Variants in SLC9A3 observed in about 807,000 individuals in gnomAD.
SLC9A3 encodes sodium/hydrogen exchanger 3.
In SLC9A3, 37 loss-of-function variants were observed where a neutral mutation model predicts 86.8. That is an observed-to-expected ratio of 0.43 (90% CI 0.33 to 0.56). The LOEUF (loss-of-function observed/expected upper bound fraction) is 0.56. Ranked by LOEUF, SLC9A3 falls within the 20% of genes least tolerant of loss-of-function variation. The probability of loss-of-function intolerance (pLI) is 0.06; values close to 1 mark genes in which losing one functional copy is unlikely to be tolerated. For missense variants in SLC9A3, 1,011 were observed against 1,171.9 expected (o/e 0.86, Z 2.00); for synonymous variants, 581 against 528.3 (o/e 1.10, Z -1.37).
intron 1 of SLC9A3, among the ~76,000 whole-genome samples, chr5:492,373 T>TCC (rs1560961644): frequency 6.6e-5 from 1 of 15,194 alleles, no homozygotes; most frequent in Non-Finnish European, 1.2e-4. Flanking sequence ...GGGAGGGAGG[T>TCC]AGGGGGGAAC....
At chr5:501,506 G>A (rs1480671016) in intron 1 of SLC9A3, among the ~76,000 whole-genome samples, 3 of 151,988 alleles carry the variant, frequency 2.0e-5, no homozygotes, top group Non-Finnish European at 2.9e-5. Context: ...ACGAGGGGCC[G>A]GGGCATTCCA....
At chr5:502,523 G>A (rs1050099893) in intron 1 of SLC9A3, among the ~76,000 whole-genome samples, 7 of 152,236 alleles carry the variant, frequency 4.6e-5, no homozygotes, top group East Asian at 1.9e-4. Context: ...CTGGGGCAAC[G>A]GAAGTCACGA....
intron 1 of SLC9A3, among the ~76,000 whole-genome samples, chr5:523,857 G>A (rs1419644331): frequency 6.6e-6 from 1 of 152,186 alleles, no homozygotes; most frequent in Non-Finnish European, 1.5e-5. Context: ...GACCCCACAG[G>A]GACCCGGGAG....
chr5:493,412 TC>T, intron 1 of SLC9A3, among the ~76,000 whole-genome samples: 1 of 152,362 alleles, frequency 6.6e-6, no homozygotes, highest in Middle Eastern at 3.4e-3. Context: ...AGTGGCCACG[TC>T]CCACCCTTCC....
chr5:514,465 C>T (rs371765704), intron 1 of SLC9A3, among the ~76,000 whole-genome samples: 2 of 152,368 alleles, frequency 1.3e-5, no homozygotes, highest in South Asian at 4.1e-4. Flanking sequence ...CCCCCGAGGC[C>T]CATCGGGTCT....
At chr5:501,893 A>G (rs1003942113) in intron 1 of SLC9A3, among the ~76,000 whole-genome samples, 2 of 152,130 alleles carry the variant, frequency 1.3e-5, no homozygotes, top group African/African-American at 4.8e-5. Context: ...TTGGCGTGGG[A>G]CAGGGGAGCC....
chr5:494,723 G>A (rs1191006701), intron 1 of SLC9A3, among the ~76,000 whole-genome samples: 2 of 152,170 alleles, frequency 1.3e-5, no homozygotes, highest in South Asian at 2.1e-4. Flanking sequence ...AGGCTGACCC[G>A]CGCCTCTCAC....
chr5:495,387 C>A (rs1158571211), intron 1 of SLC9A3, among the ~76,000 whole-genome samples: 2 of 147,886 alleles, frequency 1.4e-5, no homozygotes, highest in South Asian at 2.2e-4. Flanking sequence ...GCTCCCCGCG[C>A]CATCGCCGAC....
Position 475,132 on chromosome 5 carries a change from C to T in SLC9A3, c.2252G>A (p.Gly751Glu), listed in dbSNP as rs189017275. The T allele has an allele frequency of 8.2e-6, 13 of 1,578,622 alleles. No homozygotes were observed. The Admixed American group carries it at 1.1e-4, about 13-fold the overall frequency. Residue 751 changes from glycine to glutamate, a missense_variant and splice_region_variant, in exon 16 of 17, where the codon GGA becomes GAA. By Grantham distance (98) the Gly-to-Glu change is moderately conservative. Transcript: ENST00000264938. Reference sequence around the variant, plus strand: ...CGGAGAAAACACAGGGTTGTCAATTCCTAGGAGAGAGGGCAGCGGCTAGTC... The same window carrying T: ...CGGAGAAAACACAGGGTTGTCAATTTCTAGGAGAGAGGGCAGCGGCTAGTC... Reference protein sequence around the residue: ...TKDTASDSPAGIDNPVFSPDE... With the variant: ...TKDTASDSPAEIDNPVFSPDE...
chr5:504,518 T>A (rs994505781), intron 1 of SLC9A3, among the ~76,000 whole-genome samples: 3 of 151,834 alleles, frequency 2.0e-5, no homozygotes, highest in Non-Finnish European at 2.9e-5. Context: ...CCAGGGAGGG[T>A]GCCGGGACCT....
chr5:472,613 G>A lies in SLC9A3; in HGVS notation c.*766C>T, dbSNP rs1423650259. ...CGGAACCTGGGGGGGAAACGGGGCA[G>A]GTACTGGCTTTAGGAGTCTAAATCC... On this transcript the variant is annotated 3_prime_UTR_variant, in exon 17 of 17. Transcript: ENST00000264938. The A allele has an allele frequency of 2.4e-6, 1 of 412,844 alleles. No homozygotes were observed. The highest frequency in any genetic ancestry group is 4.8e-6 in the Non-Finnish European group (1 of 206,922). The allele number at this position is 412,844 out of a possible 1,614,324, so 25.6% of individuals were successfully genotyped here.
intron 2 of SLC9A3, among the ~76,000 whole-genome samples, chr5:490,183 CA>C (rs1179288690): frequency 1.4e-5 from 1 of 74,056 alleles, no homozygotes; most frequent in Non-Finnish European, 3.0e-5. Flanking sequence ...AGCTGGGCCC[CA>C]AGGCTGAGCG....
At position 483,365 on chromosome 5, in the gene SLC9A3, G is replaced by T; in HGVS notation, c.1050C>A (p.Ile350=). 6.4e-7 allele frequency: 1 copy of T among 1,571,900 alleles called. No individual in the cohort carries two copies. Among genetic ancestry groups the T allele is most frequent in the Non-Finnish European group, 8.6e-7 (1 of 1,158,994 alleles). Residue 350 remains isoleucine, a synonymous_variant, in exon 6 of 17, where the codon ATC becomes ATA. Coordinates refer to ENST00000264938, the MANE Select transcript of SLC9A3 (RefSeq NM_004174.4). ...CGGCCGAGATACCCAGGAACATGAA[G>T]ATGATGGTCTCGGCGCTGCTGGCCA... ...KMLASSAETI[I]FMFLGISAVN...
Position 482,148 on chromosome 5 carries a change from T to G in SLC9A3, c.1366A>C (p.Ile456Leu). The G allele has an allele frequency of 1.9e-6, 3 of 1,609,708 alleles. No individual in the cohort carries two copies. The highest frequency in any genetic ancestry group is 2.5e-6 in the Non-Finnish European group (3 of 1,178,244). ...TTCAGCCACTGCACCAGAGGCTTGATGGTCAGGCCCTGGAGGACAGGGTCT... is the reference window on the plus strand; with the variant it reads ...TTCAGCCACTGCACCAGAGGCTTGAGGGTCAGGCCCTGGAGGACAGGGTCT... ...FFTVIFQGLTIKPLVQWLKVK... is the reference protein window; with the variant it reads ...FFTVIFQGLTLKPLVQWLKVK... Residue 456 changes from isoleucine (I) to leucine (L), a missense_variant, in exon 8 of 17, where the codon ATC (isoleucine) becomes CTC (leucine). By Grantham distance (5) the Ile-to-Leu change is conservative (BLOSUM62 2). Coordinates refer to ENST00000264938, the MANE Select transcript of SLC9A3 (RefSeq NM_004174.4).
In SLC9A3 at chr5:506,129, T is replaced by C. The variant is rs1479731842; in HGVS notation, c.212-14058A>G. On this transcript the variant is annotated intron_variant, in intron 1 of 16. Coordinates refer to ENST00000264938, the MANE Select transcript of SLC9A3 (RefSeq NM_004174.4). ...CAAGCCTGTTAACTGCACCTGTGCC[T>C]GCTCACGTGGCCACAGCCGCCACTA... Among the ~76,000 whole-genome samples the C allele has an allele frequency of 4.6e-5, 7 of 152,092 alleles. No homozygotes were observed. In the East Asian group the frequency reaches 1.4e-3, roughly 29 times the overall value.
intron 1 of SLC9A3, among the ~76,000 whole-genome samples, chr5:501,552 G>A (rs1300800474): frequency 6.6e-6 from 1 of 152,238 alleles, no homozygotes; most frequent in East Asian, 1.9e-4. Context: ...ACACGTGCAC[G>A]CACACAGAGA....
In SLC9A3 at chr5:470,607, G is replaced by A. The variant is rs1738303469; in HGVS notation, c.*2772C>T. On this transcript the variant is annotated 3_prime_UTR_variant, in exon 17 of 17. Coordinates refer to ENST00000264938, the MANE Select transcript of SLC9A3 (RefSeq NM_004174.4). ...GACACTGCCAACCCACAGCTGGAGG[G>A]GCACTTAAGGCACGTCATTTTGTGA... The A allele has an allele frequency of 6.6e-6, 1 of 152,244 alleles. No individual in the cohort carries two copies. The highest frequency in any genetic ancestry group is 1.5e-5 in the Non-Finnish European group (1 of 68,026). The allele number at this position is 152,244 out of a possible 1,614,324, so 9.4% of individuals were successfully genotyped here.
intron 3 of SLC9A3, among the ~76,000 whole-genome samples, chr5:486,859 G>A (rs1421912678): frequency 1.6e-5 from 2 of 127,256 alleles, no homozygotes; most frequent in Non-Finnish European, 3.4e-5. Flanking sequence ...CACTGACACC[G>A]TGATCCAGAC....
Position 497,756 on chromosome 5 carries a change from T to C in SLC9A3, c.212-5685A>G, listed in dbSNP as rs1189481300. ...GCCGCATCCCCAGCCTCTGCCCCTG[T>C]CCCGGGTGGGGTCGCCCGGCCGCAT... is the stretch of plus-strand genomic sequence containing the variant. On this transcript the variant is annotated intron_variant, in intron 1 of 16. Transcript: ENST00000264938. This position sits in a 1 kb window ranked among gnomAD's most constrained non-coding sequence, Gnocchi z 5.4. Among the ~76,000 whole-genome samples the C allele has an allele frequency of 7.8e-5, 8 of 102,590 alleles. No homozygotes were observed. Among genetic ancestry groups the C allele is most frequent in the African/African-American group, 3.3e-4 (8 of 24,440 alleles). 67.3% of individuals were successfully genotyped at this position (102,590 alleles called of 152,430 possible).
Sources: gnomAD v4.1 joint callset for allele counts (sites outside exome capture counted in the v4.1 genomes callset) on GRCh38, gnomAD v4.1.1 for gene constraint, Gnocchi (gnomAD v3.1) non-coding constraint, MANE v1.5 for transcripts, NCBI Gene and HGNC (gene_info 2026-07-23, HGNC 2026-07-21) for gene names.